CHSY3: variants seen among roughly 807,000 people sequenced by gnomAD.
CHSY3 encodes chondroitin sulfate synthase 3, also known as N-acetylgalactosaminyl-proteoglycan 3-beta-glucuronosyltransferase 3.
A neutral mutation model predicts 67.2 loss-of-function variants in CHSY3; 35 were observed. The observed-to-expected ratio is 0.52, with a 90% CI of 0.40 to 0.69. The LOEUF is 0.69. Among genes scored for constraint, CHSY3 ranks in the 30% least tolerant of loss-of-function variants. The probability of loss-of-function intolerance (pLI) is 0.00; values close to 1 mark genes in which losing one functional copy is unlikely to be tolerated. For synonymous variants in CHSY3, 474 were observed against 434.7 expected (o/e 1.09, Z -1.12); for missense variants, 1,069 against 1,138.5 (o/e 0.94, Z 0.88).
At chr5:130,028,595 A>G (rs1251465760) in intron 2 of CHSY3, among the ~76,000 whole-genome samples, 1 of 152,150 alleles carries the variant, frequency 6.6e-6, no homozygotes, top group Non-Finnish European at 1.5e-5. Context: ...GCTTAATTAA[A>G]TTAGCTGTAG....
intron 2 of CHSY3, among the ~76,000 whole-genome samples, chr5:130,129,473 C>T (rs908836122): frequency 2.0e-5 from 3 of 152,094 alleles, no homozygotes; most frequent in Admixed American, 2.0e-4. Flanking sequence ...TAATTTATAA[C>T]ACACAAGACA....
intron 2 of CHSY3, among the ~76,000 whole-genome samples, chr5:130,073,324 G>A (rs1766146837): frequency 6.7e-6 from 1 of 149,996 alleles, no homozygotes; most frequent in African/African-American, 2.5e-5. Flanking sequence ...GTTTCACTCT[G>A]TCACTCAGGC....
chr5:130,183,346 G>C (rs1237960209), intron 2 of CHSY3, among the ~76,000 whole-genome samples: 2 of 152,000 alleles, frequency 1.3e-5, no homozygotes, highest in Non-Finnish European at 2.9e-5. Flanking sequence ...TTTTGGGTAT[G>C]ATACTTTACA....
chr5:129,957,734 C>A (rs12189066), intron 2 of CHSY3, among the ~76,000 whole-genome samples: 75,571 of 151,802 alleles, frequency 0.5, 19,412 homozygotes, highest in Middle Eastern at 0.58. Flanking sequence ...CCTTCAGGAG[C>A]TATTAGGTTC....
intron 2 of CHSY3, among the ~76,000 whole-genome samples, chr5:129,979,993 C>A (rs775722905): frequency 2.0e-5 from 3 of 152,106 alleles, no homozygotes; most frequent in Non-Finnish European, 2.9e-5. Flanking sequence ...ATCCGTTCAC[C>A]TAATGAAAGA....
intron 2 of CHSY3, among the ~76,000 whole-genome samples, chr5:129,927,427 C>G (rs188063103): frequency 9.9e-5 from 15 of 151,994 alleles, no homozygotes; most frequent in Non-Finnish European, 1.9e-4. Flanking sequence ...AAAAATCAAC[C>G]TACCCAAAAC....
At chr5:130,138,731 C>G (rs1040604195) in intron 2 of CHSY3, among the ~76,000 whole-genome samples, 1 of 152,098 alleles carries the variant, frequency 6.6e-6, no homozygotes, top group African/African-American at 2.4e-5. Flanking sequence ...TAGCAATCAG[C>G]AAAAGATTGC....
At chr5:129,975,782 G>A (rs1236146741) in intron 2 of CHSY3, among the ~76,000 whole-genome samples, 2 of 152,052 alleles carry the variant, frequency 1.3e-5, no homozygotes, top group Admixed American at 6.6e-5. Flanking sequence ...GACAATGATG[G>A]CATCATAGTT....
At chr5:129,910,789 A>G (rs951835578) in intron 2 of CHSY3, among the ~76,000 whole-genome samples, 8 of 152,034 alleles carry the variant, frequency 5.3e-5, no homozygotes. Context: ...TTCATATTAT[A>G]TAGAAAGATT....
chr5:130,104,701 T>C (rs941537847), intron 2 of CHSY3, among the ~76,000 whole-genome samples: 2 of 151,786 alleles, frequency 1.3e-5, no homozygotes, highest in African/African-American at 4.8e-5. Context: ...CTTGTTAATG[T>C]TTCGACTTGT....
intron 2 of CHSY3, among the ~76,000 whole-genome samples, chr5:130,001,001 C>A (rs1485377911): frequency 6.6e-6 from 1 of 151,662 alleles, no homozygotes; most frequent in African/African-American, 2.4e-5. Flanking sequence ...AACGATTCTC[C>A]TGCCTCAGCC....
chr5:130,175,140 T>A (rs1437805329), intron 2 of CHSY3, among the ~76,000 whole-genome samples: 2 of 152,090 alleles, frequency 1.3e-5, no homozygotes, highest in Non-Finnish European at 2.9e-5. Flanking sequence ...TACCAGTATG[T>A]AAAGCCCTTC....
intron 2 of CHSY3, among the ~76,000 whole-genome samples, chr5:130,033,269 G>A (rs1327555708): frequency 6.6e-6 from 1 of 152,046 alleles, no homozygotes; most frequent in Non-Finnish European, 1.5e-5. Flanking sequence ...TCATCATTTG[G>A]ATTTTCTTCA....
Position 129,905,468 on chromosome 5 carries a change from C to G in CHSY3, c.639C>G (p.Asn213Lys). ...TCTTTTCCAGCCAGCAGCCCCCCAA[C>G]GCCGGCCAGCCCCCGCCACCCCTGC... ...VEFFSSQQPP[N>K]AGQPPPPLPV... The change falls in exon 1 of 3, where the codon AAC becomes AAG. Residue 213 changes from asparagine (N) to lysine (K), a missense_variant. This residue lies in a region of CHSY3 where 216 missense variants were observed against 311.5 expected (regional missense o/e 0.69). Coordinates refer to ENST00000305031, the MANE Select transcript of CHSY3 (RefSeq NM_175856.5). 1 of 1,612,814 alleles carries G rather than the reference C, an allele frequency of 6.2e-7. No individual in the cohort carries two copies. Among genetic ancestry groups the G allele is most frequent in the Non-Finnish European group, 8.5e-7 (1 of 1,179,996 alleles).
chr5:129,924,410 G>A (rs1384354841), intron 2 of CHSY3, among the ~76,000 whole-genome samples: 3 of 152,014 alleles, frequency 2.0e-5, no homozygotes, highest in Non-Finnish European at 4.4e-5. Context: ...CACTTTGGGA[G>A]GCCGAGGCAG....
intron 2 of CHSY3, among the ~76,000 whole-genome samples, chr5:130,033,038 T>C (rs1764746572): frequency 6.6e-6 from 1 of 152,158 alleles, no homozygotes; most frequent in Admixed American, 6.5e-5. Context: ...GCTTAAAAGC[T>C]GAAGCAGACC....
intron 2 of CHSY3, among the ~76,000 whole-genome samples, chr5:129,930,512 G>GT (rs371645565): frequency 1.4e-5 from 2 of 148,012 alleles, no homozygotes; most frequent in South Asian, 2.3e-4. Context: ...CACTGGCGGG[G>GT]GGGGGGTATG....
chr5:130,030,203 T>C (rs1764667828), intron 2 of CHSY3, among the ~76,000 whole-genome samples: 1 of 152,170 alleles, frequency 6.6e-6, no homozygotes, highest in East Asian at 1.9e-4. Context: ...CTCAATGTTT[T>C]GTTCTAATGA....
At chr5:130,103,479 T>C (rs1309914162) in intron 2 of CHSY3, among the ~76,000 whole-genome samples, 4 of 152,054 alleles carry the variant, frequency 2.6e-5, no homozygotes, top group Non-Finnish European at 5.9e-5. Context: ...AGTTTTATTA[T>C]TGTTATAATT....
Sources: allele counts gnomAD v4.1 joint callset (sites outside exome capture counted in the v4.1 genomes callset), GRCh38; gene constraint gnomAD v4.1.1; regional missense constraint gnomAD v4.1.1; transcripts MANE v1.5; gene names NCBI Gene and HGNC (gene_info 2026-07-23, HGNC 2026-07-21).